TTC39B: variants seen among roughly 807,000 people sequenced by gnomAD.
The protein encoded by TTC39B is tetratricopeptide repeat domain 39B.
TTC39B carries 92 observed loss-of-function variants against 96.6 expected under a neutral mutation model. That is an observed-to-expected ratio of 0.95 (90% CI 0.80 to 1.13). The LOEUF (loss-of-function observed/expected upper bound fraction) is 1.13. Among genes scored for constraint, TTC39B ranks in the 50% most tolerant of loss-of-function variants. TTC39B has a pLI of 0.00. For missense variants in TTC39B, 955 were observed against 809.3 expected, an observed-to-expected ratio of 1.18 and a Z score of -2.18; for synonymous variants, 367 against 299.4, an observed-to-expected ratio of 1.23 and a Z score of -2.33.
chr9:15,248,848 C>T (rs1314468724), intron 2 of TTC39B, among the ~76,000 whole-genome samples: 1 of 152,152 alleles, frequency 6.6e-6, no homozygotes, highest in African/African-American at 2.4e-5. Flanking sequence ...AACCAAAATA[C>T]TGGCACCCAA....
At chr9:15,193,865 T>A (rs1488082498) in intron 8 of TTC39B, among the ~76,000 whole-genome samples, 6 of 152,244 alleles carry the variant, frequency 3.9e-5, no homozygotes, top group Non-Finnish European at 8.8e-5. Context: ...GGCCAGTTTA[T>A]TCTTTTAAAA....
chr9:15,281,524 T>C (rs550777738), intron 1 of TTC39B, among the ~76,000 whole-genome samples: 1 of 151,372 alleles, frequency 6.6e-6, no homozygotes, highest in Admixed American at 6.6e-5. Flanking sequence ...AAATCTGTCC[T>C]TTTGGGGCAA....
At chr9:15,233,976 G>A (rs1216515062) in intron 2 of TTC39B, among the ~76,000 whole-genome samples, 9 of 142,158 alleles carry the variant, frequency 6.3e-5, no homozygotes, top group South Asian at 2.3e-4. Context: ...GCCGCCCATC[G>A]TCTGAGATGT....
chr9:15,197,382 C>G (rs1366615562), intron 8 of TTC39B, among the ~76,000 whole-genome samples: 2 of 152,106 alleles, frequency 1.3e-5, no homozygotes, highest in African/African-American at 2.4e-5. Flanking sequence ...CAAGATCTAC[C>G]ACCCCCTTCC....
At chr9:15,302,955 G>A (rs1022979979) in intron 1 of TTC39B, among the ~76,000 whole-genome samples, 1 of 152,154 alleles carries the variant, frequency 6.6e-6, no homozygotes, top group African/African-American at 2.4e-5. Context: ...GGATCACGAG[G>A]TCAAGAGATC....
intron 2 of TTC39B, among the ~76,000 whole-genome samples, chr9:15,244,367 G>T (rs978586384): frequency 7.9e-5 from 12 of 152,218 alleles, no homozygotes; most frequent in African/African-American, 2.9e-4. Context: ...TCCTAGGTAC[G>T]CCAGTCACTG....
chr9:15,274,081 C>G (rs1823452908), intron 1 of TTC39B, among the ~76,000 whole-genome samples: 1 of 152,204 alleles, frequency 6.6e-6, no homozygotes, highest in Non-Finnish European at 1.5e-5. Flanking sequence ...CAGCACATTC[C>G]TAGTTAAAGG....
intron 2 of TTC39B, among the ~76,000 whole-genome samples, chr9:15,234,378 G>C (rs868247475): frequency 6.7e-6 from 1 of 148,356 alleles, no homozygotes; most frequent in Admixed American, 6.7e-5. Context: ...CCCCCCGCCC[G>C]GCCAGCTGCC....
intron 1 of TTC39B, among the ~76,000 whole-genome samples, chr9:15,282,252 T>C (rs1823795172): frequency 6.6e-6 from 1 of 152,158 alleles, no homozygotes; most frequent in South Asian, 2.1e-4. Context: ...AAATTTCATA[T>C]ACATTATCCA....
chr9:15,188,067 G>A, exon 14 of TTC39B: 1 of 1,611,878 alleles, frequency 6.2e-7, no homozygotes, highest in Middle Eastern at 1.7e-4. Context: ...GCTCCCAGTA[G>A]CAGAGATGGT....
intron 2 of TTC39B, among the ~76,000 whole-genome samples, chr9:15,231,108 C>G (rs756404274): frequency 1.9e-4 from 29 of 151,966 alleles, no homozygotes; most frequent in Non-Finnish European, 3.1e-4. Flanking sequence ...TATGTGGTAA[C>G]TTTATGTTTG....
chr9:15,280,543 G>C lies in TTC39B; in HGVS notation c.241-12595C>G, dbSNP rs548963987. Among the ~76,000 whole-genome samples, 23 of 152,294 alleles carry C rather than the reference G, an allele frequency of 1.5e-4. No individual in the cohort carries two copies. The South Asian group carries it at 4.8e-3, about 32-fold the overall frequency. ...AAATTCAAGGGAGAAATAACACTAAGAACAAAGACTGCAGAGTCCCGCTAT... is the reference window on the plus strand; with the variant it reads ...AAATTCAAGGGAGAAATAACACTAACAACAAAGACTGCAGAGTCCCGCTAT... On this transcript the variant is annotated intron_variant, in intron 1 of 19. Transcript: ENST00000512701.
chr9:15,302,739 G>A (rs958220613), intron 1 of TTC39B, among the ~76,000 whole-genome samples: 3 of 151,950 alleles, frequency 2.0e-5, no homozygotes, highest in African/African-American at 4.8e-5. Context: ...AGCTACTCGG[G>A]AGGCTGAGGC....
chr9:15,253,455 T>C (rs1035305793), intron 2 of TTC39B, among the ~76,000 whole-genome samples: 1 of 152,226 alleles, frequency 6.6e-6, no homozygotes, highest in African/African-American at 2.4e-5. Flanking sequence ...CTAGAGCCTC[T>C]CAAGGGAGCA....
chr9:15,177,869 C>CTT lies in TTC39B; in HGVS notation c.1724-57_1724-56dup, dbSNP rs371656816. On this transcript the variant is annotated intron_variant, in intron 17 of 19. Transcript: ENST00000512701. ...CACAAAGAAAAATACTTTTTAAGATCTTTTTTTTTTTTTTTTTTGAGACGG... is the reference window on the plus strand; with the variant it reads ...CACAAAGAAAAATACTTTTTAAGATCTTTTTTTTTTTTTTTTTTTTGAGACGG... The CTT allele has an allele frequency of 8.4e-3, 3,899 of 464,182 alleles. 11 individuals carry two copies. Among genetic ancestry groups the CTT allele is most frequent in the African/African-American group, 0.019 (815 of 43,424 alleles). 28.8% of individuals were successfully genotyped at this position (464,182 alleles called of 1,614,324 possible). A position where few individuals can be genotyped will look rare whatever the true frequency, so the allele number is the denominator to read the frequency against.
At chr9:15,208,594 T>C (rs556275687) in intron 6 of TTC39B, among the ~76,000 whole-genome samples, 1 of 152,314 alleles carries the variant, frequency 6.6e-6, no homozygotes. Flanking sequence ...AGCTCAAAGA[T>C]GGAAAATATG....
rs1052817754 is a variant in TTC39B, at chr9:15,261,541, C to T, written c.275+6373G>A. ...TGGTTAGTCCATTCTCCCCACTAGA[C>T]AAGACCAGGAATCCTCCATGACCCA... On this transcript the variant is annotated intron_variant, in intron 2 of 19. Transcript: ENST00000512701. Among the ~76,000 whole-genome samples, 7 of 152,104 alleles carry T rather than the reference C, an allele frequency of 4.6e-5. No individual in the cohort carries two copies. The South Asian group carries it at 6.2e-4, about 13-fold the overall frequency.
intron 7 of TTC39B, among the ~76,000 whole-genome samples, 157 bp downstream of exon 7, chr9:15,203,666 A>G (rs1819674892): frequency 6.6e-6 from 1 of 152,194 alleles, no homozygotes; most frequent in African/African-American, 2.4e-5. Context: ...GCTCTCTAGC[A>G]TCTTTTTTCA....
At chr9:15,175,267 G>C (rs1426089494) in intron 18 of TTC39B, 132 bp from the exon 19 acceptor site, 2 of 622,464 alleles carry the variant, frequency 3.2e-6, no homozygotes, top group Non-Finnish European at 5.6e-6. Context: ...GGCGGCCATT[G>C]TATAGTTATG....
Sources: gnomAD v4.1 joint callset for allele counts (sites outside exome capture counted in the v4.1 genomes callset) on GRCh38, gnomAD v4.1.1 for gene constraint, MANE v1.5 for transcripts, NCBI Gene and HGNC (gene_info 2026-07-23, HGNC 2026-07-21) for gene names.